Variants in IRAK1BP1 observed in about 807,000 individuals in gnomAD.
IRAK1BP1 encodes the protein interleukin 1 receptor associated kinase 1 binding protein 1.
IRAK1BP1 carries 24 observed loss-of-function variants against 28.0 expected under a neutral mutation model. The ratio of observed to expected loss-of-function variants is 0.86; its 90% CI spans 0.62 to 1.20. IRAK1BP1 has a LOEUF of 1.20. Ranked by LOEUF, IRAK1BP1 falls within the 50% of genes most tolerant of loss-of-function variation. The pLI, the probability that IRAK1BP1 is intolerant of heterozygous loss-of-function variation, is 0.00. For synonymous variants in IRAK1BP1, 131 were observed against 116.3 expected (o/e 1.13, Z -0.81); for missense variants, 336 against 316.7 (o/e 1.06, Z -0.46).
At chr6:78,871,918 A>G (rs1770806749) in intron 1 of IRAK1BP1, 1 of 518,640 alleles carries the variant, frequency 1.9e-6, no homozygotes, top group Non-Finnish European at 3.4e-6. Context: ...TCCATCTGAC[A>G]ACATTTGTAA....
the IRAK1BP1 span, among the ~76,000 whole-genome samples, chr6:78,965,070 T>C: frequency 4.6e-5 from 7 of 152,160 alleles, no homozygotes; most frequent in African/African-American, 1.7e-4. Flanking sequence ...GGCTAATTAT[T>C]AAATCCTGAA....
At chr6:78,969,935 C>G in the IRAK1BP1 span, 1 of 1,574,814 alleles carries the variant, frequency 6.3e-7, no homozygotes, top group Non-Finnish European at 8.7e-7. Context: ...CAAACAGAAA[C>G]AAATTGATTA....
At position 78,902,404 on chromosome 6, in the gene IRAK1BP1, C is replaced by CT. The variant is rs2127657408; in HGVS notation, c.*4071dup. ...TGCCTCAGCTTCCCAGAGTGCTGGA[C>CT]TACAGGCTTGAGCCACTGCACCCAG... On this transcript the variant is annotated 3_prime_UTR_variant, in exon 4 of 4. Coordinates refer to ENST00000369940, the MANE Select transcript of IRAK1BP1 (RefSeq NM_001010844.4). 1 of 153,136 alleles carries CT rather than the reference C, an allele frequency of 6.5e-6. No individual in the cohort carries two copies. Among genetic ancestry groups the CT allele is most frequent in the East Asian group, 1.9e-4 (1 of 5,198 alleles). The allele number at this position is 153,136 out of a possible 1,614,324, so 9.5% of individuals were successfully genotyped here.
intron 1 of IRAK1BP1, chr6:78,871,845 T>A (rs1022534869): frequency 6.8e-6 from 3 of 443,092 alleles, no homozygotes; most frequent in East Asian, 3.7e-5. Flanking sequence ...ATGTCACTGA[T>A]GCTATTGATA....
At chr6:78,909,962 AGGAAAAGGGT>A (rs1562094255) in intron 4 of IRAK1BP1, among the ~76,000 whole-genome samples, 1 of 152,194 alleles carries the variant, frequency 6.6e-6, no homozygotes, top group African/African-American at 2.4e-5. Context: ...ACAAAAATAC[AGGAAAAGGGT>A]GGAAGGGAAA....
At chr6:78,918,065 C>T (rs997063732) in intron 4 of IRAK1BP1, among the ~76,000 whole-genome samples, 1 of 152,126 alleles carries the variant, frequency 6.6e-6, no homozygotes, top group African/African-American at 2.4e-5. Context: ...AGGATCAAAA[C>T]CTCACATATC....
intron 4 of IRAK1BP1, among the ~76,000 whole-genome samples, chr6:78,918,879 A>G (rs1008281059): frequency 1.1e-4 from 16 of 152,238 alleles, no homozygotes; most frequent in Non-Finnish European, 2.2e-4. Context: ...AGAATACTCC[A>G]GTCATCAACC....
intron 4 of IRAK1BP1, among the ~76,000 whole-genome samples, chr6:78,909,249 A>G (rs754220247): frequency 7.4e-4 from 112 of 152,354 alleles, no homozygotes; most frequent in Non-Finnish European, 1.4e-3. Flanking sequence ...AGACAAGCCC[A>G]TTATAAGTTG....
At position 78,946,149 on chromosome 6, in the gene IRAK1BP1, T is replaced by C. The variant is rs1184766969; in HGVS notation, c.*809T>C. The C allele has an allele frequency of 3.1e-6, 5 of 1,614,136 alleles. No homozygotes were observed. On this transcript the variant is annotated 3_prime_UTR_variant and NMD_transcript_variant, in exon 5 of 5. Coordinates refer to the IRAK1BP1 transcript ENST00000606868. ...CAGAACTAGATTCTGTTTTACCGTT[T>C]ATCTGAGCAGCATTGTGTCTTGGCG...
intron 1 of IRAK1BP1, among the ~76,000 whole-genome samples, chr6:78,872,479 C>G (rs1770827300): frequency 6.6e-6 from 1 of 152,124 alleles, no homozygotes; most frequent in Non-Finnish European, 1.5e-5. Context: ...GTTAAGCATC[C>G]CATCCAAAAT....
intron 4 of IRAK1BP1, among the ~76,000 whole-genome samples, chr6:78,932,678 T>TA (rs1355225372): frequency 1.3e-5 from 2 of 152,036 alleles, no homozygotes; most frequent in Admixed American, 1.3e-4. Context: ...CTTGGACTCC[T>TA]AAAGTGCTGG....
At chr6:78,925,240 C>G (rs1034234880) in intron 4 of IRAK1BP1, among the ~76,000 whole-genome samples, 2 of 151,938 alleles carry the variant, frequency 1.3e-5, no homozygotes, top group African/African-American at 4.8e-5. Flanking sequence ...TTAGTGGGTA[C>G]GGCACACCAA....
At chr6:78,964,994 A>C in the IRAK1BP1 span, among the ~76,000 whole-genome samples, 1 of 152,158 alleles carries the variant, frequency 6.6e-6, no homozygotes, top group African/African-American at 2.4e-5. Context: ...AAGAAAATAT[A>C]ATCTCCAGGC....
downstream of IRAK1BP1, chr6:78,947,825 C>A: frequency 7.6e-7 from 1 of 1,323,864 alleles, no homozygotes; most frequent in African/African-American, 1.5e-5. Flanking sequence ...CACAAAGCAT[C>A]ACTTCTCAGT....
At chr6:78,955,138 G>A in the IRAK1BP1 span, 1 of 927,164 alleles carries the variant, frequency 1.1e-6, no homozygotes. Flanking sequence ...AATACTTAAT[G>A]TCTTTTAAAA....
At chr6:78,916,203 G>GT (rs1772555133) in intron 4 of IRAK1BP1, among the ~76,000 whole-genome samples, 1 of 152,082 alleles carries the variant, frequency 6.6e-6, no homozygotes, top group African/African-American at 2.4e-5. Context: ...AGAAGGTTGG[G>GT]TTTTTTGTTC....
intron 4 of IRAK1BP1, among the ~76,000 whole-genome samples, chr6:78,923,021 A>C (rs1257423766): frequency 6.6e-6 from 1 of 152,176 alleles, no homozygotes; most frequent in African/African-American, 2.4e-5. Flanking sequence ...TCAACTAACG[A>C]GCAAAATAAC....
intron 4 of IRAK1BP1, among the ~76,000 whole-genome samples, chr6:78,918,325 A>G (rs1016509867): frequency 2.6e-5 from 4 of 152,080 alleles, no homozygotes; most frequent in Admixed American, 6.5e-5. Flanking sequence ...AAATATCAAT[A>G]TTAACCCAGT....
At chr6:78,893,314 G>GTATGTATA (rs1771742250) in intron 2 of IRAK1BP1, among the ~76,000 whole-genome samples, 1 of 103,456 alleles carries the variant, frequency 9.7e-6, no homozygotes, top group South Asian at 5.0e-4. Flanking sequence ...GTGTGTGTGT[G>GTATGTATA]TATATATATA....
Sources: allele counts gnomAD v4.1 joint callset (sites outside exome capture counted in the v4.1 genomes callset), GRCh38; gene constraint gnomAD v4.1.1; transcripts MANE v1.5; gene names NCBI Gene and HGNC (gene_info 2026-07-23, HGNC 2026-07-21).